ACSM1: variants seen among roughly 807,000 people sequenced by gnomAD.
The protein encoded by ACSM1 is acyl-CoA synthetase medium chain family member 1.
A neutral mutation model predicts 75.8 loss-of-function variants in ACSM1; 79 were observed. The observed-to-expected ratio is 1.04, with a 90% confidence interval of 0.87 to 1.26. The LOEUF is 1.26. ACSM1 is among the 50% of genes most tolerant of loss of function. The pLI is 0.00. For synonymous variants in ACSM1, 279 were observed against 265.8 expected (o/e 1.05, Z -0.48); for missense variants, 676 against 720.1 (o/e 0.94, Z 0.70).
At chr16:20,644,421 C>G (rs1021227578) in intron 7 of ACSM1, among the ~76,000 whole-genome samples, 5 of 152,046 alleles carry the variant, frequency 3.3e-5, no homozygotes, top group African/African-American at 1.2e-4. Context: ...ATTCCCTTAA[C>G]CCAGCAGATT....
chr16:20,657,603 C>T (rs2019044674), intron 7 of ACSM1, among the ~76,000 whole-genome samples: 1 of 144,560 alleles, frequency 6.9e-6, no homozygotes, highest in Non-Finnish European at 1.5e-5. Context: ...GCCACTGTGC[C>T]CAATGTTTTT....
At chr16:20,670,725 T>A (rs1157504467) in intron 5 of ACSM1, among the ~76,000 whole-genome samples, 1 of 152,204 alleles carries the variant, frequency 6.6e-6, no homozygotes, top group Non-Finnish European at 1.5e-5. Context: ...CTACTTTTTA[T>A]ATCTTTGTGT....
At chr16:20,684,578 T>G (rs1212439005) in intron 3 of ACSM1, among the ~76,000 whole-genome samples, 3 of 152,222 alleles carry the variant, frequency 2.0e-5, no homozygotes, top group East Asian at 1.9e-4. Flanking sequence ...TGGAGATATA[T>G]TCTACAATAC....
Position 20,671,651 on chromosome 16 carries a change from G to C in ACSM1, c.632C>G (p.Thr211Ser). 1 of 1,604,056 alleles carries C rather than the reference G, an allele frequency of 6.2e-7. No homozygotes were observed. The highest frequency in any genetic ancestry group is 8.5e-7 in the Non-Finnish European group (1 of 1,174,490). ...GTCCAAGGTCTTTGACTTAACACAG[G>C]TGTGTTCTGGGGATGCTGATCTGCA... ...SLVKSASPEH[T>S]CVKSKTLDPM... Residue 211 changes from threonine (T) to serine (S), a missense_variant, in exon 5 of 14, where the codon ACC becomes AGC. Physicochemically the swap from Thr to Ser is moderately conservative, Grantham distance 58. Coordinates refer to ENST00000520010, the MANE Select transcript of ACSM1 (RefSeq NM_001318890.3).
At chr16:20,678,302 A>C (rs568670075) in intron 4 of ACSM1, among the ~76,000 whole-genome samples, 7 of 152,304 alleles carry the variant, frequency 4.6e-5, no homozygotes, top group African/African-American at 1.7e-4. Context: ...AAAACACACA[A>C]AAAAACAGCA....
chr16:20,672,471 A>AAAAAAAAAATATAT lies in ACSM1; in HGVS notation c.612-801_612-800insATATATTTTTTTTT, dbSNP rs1555473775. 2.0e-3 allele frequency among the ~76,000 whole-genome samples: 131 copies of AAAAAAAAAATATAT among 64,500 alleles called. 3 individuals are homozygous for AAAAAAAAAATATAT. Among genetic ancestry groups the AAAAAAAAAATATAT allele is most frequent in the East Asian group, 3.9e-3 (3 of 764 alleles). 42.3% of individuals were successfully genotyped at this position (64,500 alleles called of 152,430 possible). On this transcript the variant is annotated intron_variant, in intron 4 of 13. Transcript: ENST00000520010. ...CTCAAAAAAAAAAAAAAAAAAAAAAAATATATATATATATATATATATATA... is the reference window on the plus strand; with the variant it reads ...CTCAAAAAAAAAAAAAAAAAAAAAAAAAAAAAAAATATATATATATATATATATATATATATATA...
intron 4 of ACSM1, chr16:20,680,175 A>G (rs1596940113): frequency 1.3e-5 from 2 of 152,318 alleles, no homozygotes; most frequent in East Asian, 3.9e-4. Context: ...AGAACATGCA[A>G]TCCTTTACAT....
chr16:20,696,550 T>C (rs1412936311), intron 1 of ACSM1, among the ~76,000 whole-genome samples: 2 of 152,264 alleles, frequency 1.3e-5, no homozygotes, highest in African/African-American at 2.4e-5. Flanking sequence ...AGATGTACCA[T>C]GTACAGTTTT....
At chr16:20,677,875 A>T (rs1478634749) in intron 4 of ACSM1, among the ~76,000 whole-genome samples, 1 of 152,196 alleles carries the variant, frequency 6.6e-6, no homozygotes, top group Non-Finnish European at 1.5e-5. Context: ...AAAGAAAAAA[A>T]AGGCTTTTAA....
At chr16:20,679,599 A>G (rs1310778657) in intron 4 of ACSM1, 2 of 152,164 alleles carry the variant, frequency 1.3e-5, no homozygotes, top group East Asian at 3.9e-4. Context: ...TAATGTTGTT[A>G]CCATTTCTGC....
chr16:20,653,324 T>C (rs1383549615), intron 7 of ACSM1, among the ~76,000 whole-genome samples: 1 of 152,144 alleles, frequency 6.6e-6, no homozygotes, highest in Non-Finnish European at 1.5e-5. Context: ...ACTGGAAGCA[T>C]TCCCTTTGAA....
intron 10 of ACSM1, among the ~76,000 whole-genome samples, chr16:20,634,488 C>T (rs2017535547): frequency 6.6e-6 from 1 of 152,164 alleles, no homozygotes; most frequent in Admixed American, 6.5e-5. Flanking sequence ...GTGTTGTATA[C>T]ATACAGTGGA....
intron 2 of ACSM1, among the ~76,000 whole-genome samples, chr16:20,687,998 T>C (rs1567312876): frequency 6.6e-6 from 1 of 151,926 alleles, no homozygotes; most frequent in Non-Finnish European, 1.5e-5. Flanking sequence ...GGCAGGAGAA[T>C]TGCTTGAACC....
intron 5 of ACSM1, 145 bp downstream of exon 5, chr16:20,671,386 G>C: frequency 1.2e-6 from 1 of 821,182 alleles, no homozygotes. Context: ...GAACAAAAGA[G>C]AGTGGAAGGG....
rs532284670 is a variant in ACSM1, at chr16:20,696,235, T to C, written c.-52+1401A>G. Among the ~76,000 whole-genome samples the C allele has an allele frequency of 2.0e-5, 3 of 152,294 alleles. No homozygotes were observed. The East Asian group carries it at 5.8e-4, about 29-fold the overall frequency. On this transcript the variant is annotated intron_variant, in intron 1 of 13. Transcript: ENST00000520010. ...AATGCATTTCTCAGACGTATCTTGG[T>C]TGTTAAGTGATGCATGTCTCTATCT...
intron 9 of ACSM1, chr16:20,637,119 C>T (rs575019941): frequency 1.3e-6 from 1 of 759,248 alleles, no homozygotes; most frequent in Non-Finnish European, 2.4e-6. Context: ...AGAGAGGGCT[C>T]CCAGTGCAGC....
intron 8 of ACSM1, among the ~76,000 whole-genome samples, chr16:20,638,086 T>C (rs1241547288): frequency 6.6e-6 from 1 of 152,206 alleles, no homozygotes; most frequent in Admixed American, 6.5e-5. Flanking sequence ...GATTCCTCCT[T>C]TATTGTTCTC....
chr16:20,638,315 A>G (rs2152212917), intron 8 of ACSM1, among the ~76,000 whole-genome samples: 1 of 152,378 alleles, frequency 6.6e-6, no homozygotes, highest in African/African-American at 2.4e-5. Flanking sequence ...AATGATGACT[A>G]CTGGCTATTA....
chr16:20,667,806 A>G (rs761693273), intron 6 of ACSM1, among the ~76,000 whole-genome samples: 6 of 152,240 alleles, frequency 3.9e-5, no homozygotes, highest in Admixed American at 6.5e-5. Flanking sequence ...TACACCATGC[A>G]ATACTACACA....
Sources: allele counts gnomAD v4.1 joint callset (sites outside exome capture counted in the v4.1 genomes callset), GRCh38; gene constraint gnomAD v4.1.1; transcripts MANE v1.5; gene names NCBI Gene and HGNC (gene_info 2026-07-23, HGNC 2026-07-21).